C6: variants seen among roughly 807,000 people sequenced by gnomAD.
C6 encodes the protein complement C6.
Under a neutral mutation model 112.9 loss-of-function variants are expected in C6, and 101 were observed. The ratio of observed to expected loss-of-function variants is 0.89; its 90% CI spans 0.76 to 1.06. C6 has a LOEUF of 1.06. Ranked by LOEUF, C6 falls within the 50% of genes least tolerant of loss-of-function variation. The pLI is 0.00. For synonymous variants in C6, 431 were observed against 384.1 expected (o/e 1.12, Z -1.43); for missense variants, 1,202 against 1,104.6 (o/e 1.09, Z -1.25).
At chr5:41,211,038 C>A (rs1049955436) in intron 1 of C6, among the ~76,000 whole-genome samples, 2 of 152,102 alleles carry the variant, frequency 1.3e-5, no homozygotes, top group Non-Finnish European at 2.9e-5. Context: ...ACATATACAC[C>A]ATGGAATACT....
Position 41,142,671 on chromosome 5 carries a change from A to C in C6, c.*154T>G. The C allele has an allele frequency of 1.5e-6, 1 of 682,520 alleles. No homozygotes were observed. Among genetic ancestry groups the C allele is most frequent in the South Asian group, 1.6e-5 (1 of 61,746 alleles). The allele number at this position is 682,520 out of a possible 1,614,324, so 42.3% of individuals were successfully genotyped here. ...TAAGACATGCCCAAACAGGAGAGTCAGGGGAGAATAATGATCTCAAACTAA... is the reference window on the plus strand; with the variant it reads ...TAAGACATGCCCAAACAGGAGAGTCCGGGGAGAATAATGATCTCAAACTAA... On this transcript the variant is annotated 3_prime_UTR_variant, in exon 18 of 18. Coordinates refer to ENST00000337836, the MANE Select transcript of C6 (RefSeq NM_000065.5).
chr5:41,232,153 G>A (rs1739943880), intron 1 of C6, among the ~76,000 whole-genome samples: 1 of 151,996 alleles, frequency 6.6e-6, no homozygotes, highest in African/African-American at 2.4e-5. Flanking sequence ...TTTCTGCTTT[G>A]TTTCTTAACC....
At chr5:41,239,108 TTTC>T (rs1269537818) in intron 1 of C6, among the ~76,000 whole-genome samples, 80 of 118,188 alleles carry the variant, frequency 6.8e-4, no homozygotes, top group African/African-American at 2.2e-3. Context: ...TTTTCTTTTC[TTTC>T]TTTTTTTTTT....
intron 3 of C6, among the ~76,000 whole-genome samples, chr5:41,200,891 GTTTTTTTT>G (rs143443464): frequency 1.8e-4 from 13 of 70,654 alleles, no homozygotes; most frequent in East Asian, 5.0e-4. Flanking sequence ...TGTTGTTGTT[GTTTTTTTT>G]TTTTTTTTTT....
chr5:41,239,377 G>T (rs970898452), intron 1 of C6, among the ~76,000 whole-genome samples: 2 of 152,072 alleles, frequency 1.3e-5, no homozygotes, highest in Admixed American at 6.6e-5. Context: ...CTCCCAAAGT[G>T]CTGGGGTTAC....
chr5:41,143,562 T>G (rs1486143010), intron 17 of C6, among the ~76,000 whole-genome samples: 4 of 152,228 alleles, frequency 2.6e-5, no homozygotes, highest in Non-Finnish European at 5.9e-5. Flanking sequence ...ACATGCTTTA[T>G]TTTTTTGAAC....
chr5:41,172,969 T>C (rs1035379169), intron 8 of C6, among the ~76,000 whole-genome samples: 1 of 152,178 alleles, frequency 6.6e-6, no homozygotes, highest in African/African-American at 2.4e-5. Flanking sequence ...CTTTTTATTG[T>C]AATCTCAGAA....
At chr5:41,184,755 T>G (rs1308303975) in intron 6 of C6, among the ~76,000 whole-genome samples, 2 of 152,164 alleles carry the variant, frequency 1.3e-5, no homozygotes, top group Non-Finnish European at 2.9e-5. Flanking sequence ...ATTACAGATG[T>G]GAGCCACCAC....
At chr5:41,250,558 G>T (rs1160019025) in intron 1 of C6, among the ~76,000 whole-genome samples, 2 of 152,188 alleles carry the variant, frequency 1.3e-5, no homozygotes, top group African/African-American at 4.8e-5. Flanking sequence ...TCATATCTGA[G>T]CAGGATTTAA....
At chr5:41,154,854 A>T (rs1315694798) in intron 14 of C6, 118 bp downstream of exon 14, 2 of 1,032,166 alleles carry the variant, frequency 1.9e-6, no homozygotes, top group African/African-American at 1.6e-5. Context: ...AAAATCTTTC[A>T]CCAGAGTTAC....
rs4422567 is a variant in C6, at chr5:41,149,808, A to G, written c.2381+127T>C. ...AGGAGGAATTCAGCAGAGCACAGGAATATCAGTTATGTGGAAAATTCATTT... is the reference window on the plus strand; with the variant it reads ...AGGAGGAATTCAGCAGAGCACAGGAGTATCAGTTATGTGGAAAATTCATTT... On this transcript the variant is annotated intron_variant, in intron 16 of 17. Transcript: ENST00000337836. 0.011 allele frequency: 7,847 copies of G among 741,958 alleles called. 461 individuals carry two copies. The African/African-American group carries it at 0.12, about 11-fold the overall frequency. The allele number at this position is 741,958 out of a possible 1,614,324, so 46.0% of individuals were successfully genotyped here.
chr5:41,207,274 T>A (rs1751511612), intron 1 of C6, among the ~76,000 whole-genome samples: 1 of 152,182 alleles, frequency 6.6e-6, no homozygotes, highest in South Asian at 2.1e-4. Context: ...TGCAAAAACA[T>A]GCCAAATTGT....
chr5:41,252,122 T>C lies in C6; in HGVS notation c.-21+9072A>G, dbSNP rs1174555306. Reference sequence around the variant, plus strand: ...ACCATTTAAAGGTGGTTTGCAAATATTCTGTGATTCACTTTCAAACTTGGC... The same window carrying C: ...ACCATTTAAAGGTGGTTTGCAAATACTCTGTGATTCACTTTCAAACTTGGC... On this transcript the variant is annotated intron_variant, in intron 1 of 17. Transcript: ENST00000263413. Among the ~76,000 whole-genome samples the C allele has an allele frequency of 4.6e-5, 7 of 152,240 alleles. 1 individual carries two copies. The highest frequency in any genetic ancestry group is 4.6e-4 in the Admixed American group (7 of 15,288).
In C6 at chr5:41,176,695, G is replaced by A. The variant is rs2150312174; in HGVS notation, c.948C>T (p.Ile316=). 2 of 1,611,596 alleles carry A rather than the reference G, an allele frequency of 1.2e-6. No homozygotes were observed. Among genetic ancestry groups the A allele is most frequent in the Non-Finnish European group, 1.7e-6 (2 of 1,178,342 alleles). Residue 316 remains isoleucine, a synonymous_variant, in exon 8 of 18, where the codon ATC becomes ATT. Coordinates refer to ENST00000337836, the MANE Select transcript of C6 (RefSeq NM_000065.5). The part of the protein sequence containing the change: ...SHKKDSSFIR[I]HKVMKVLNFT... ...AGTTTAAGACTTTCATCACTTTATGGATCCTAATAAAACTAGAATCCTAAA... is the reference window on the plus strand; with the variant it reads ...AGTTTAAGACTTTCATCACTTTATGAATCCTAATAAAACTAGAATCCTAAA...
Position 41,204,658 on chromosome 5 carries a change from G to A in C6, c.-20-1408C>T, listed in dbSNP as rs1001397006. On this transcript the variant is annotated intron_variant, in intron 1 of 17. Transcript: ENST00000337836. ...GTATTTCTTGTTAATAAATCAGTAA[G>A]CTTTTTTTTTTCTTTTTTTTTTTTT... Among the ~76,000 whole-genome samples the A allele has an allele frequency of 4.0e-5, 4 of 99,570 alleles. No individual in the cohort carries two copies. In the Admixed American group the frequency reaches 4.2e-4, roughly 11 times the overall value. 65.3% of individuals were successfully genotyped at this position (99,570 alleles called of 152,430 possible). A position where few individuals can be genotyped will look rare whatever the true frequency, so the allele number is the denominator to read the frequency against.
intron 8 of C6, among the ~76,000 whole-genome samples, chr5:41,174,604 G>T (rs1422336542): frequency 6.6e-6 from 1 of 152,104 alleles, no homozygotes; most frequent in Non-Finnish European, 1.5e-5. Flanking sequence ...TTTATTCAAG[G>T]TTTTAACTTG....
chr5:41,205,365 T>G (rs1751350406), intron 1 of C6, among the ~76,000 whole-genome samples: 1 of 152,196 alleles, frequency 6.6e-6, no homozygotes, highest in African/African-American at 2.4e-5. Flanking sequence ...TTCATCTCAC[T>G]GGGGCTTGTC....
chr5:41,254,874 G>A (rs16871073), intron 1 of C6, among the ~76,000 whole-genome samples: 26,638 of 152,174 alleles, frequency 0.18, 2,812 homozygotes, highest in South Asian at 0.35. Flanking sequence ...CAGTGAAAGC[G>A]TTTTAGTCTC....
At chr5:41,164,162 A>T (rs1434269620) in intron 9 of C6, among the ~76,000 whole-genome samples, 1 of 151,482 alleles carries the variant, frequency 6.6e-6, no homozygotes, top group Non-Finnish European at 1.5e-5. Context: ...AAAGAAAGGA[A>T]ATTAAAAAGA....
Sources: gnomAD v4.1 joint callset for allele counts (sites outside exome capture counted in the v4.1 genomes callset) on GRCh38, gnomAD v4.1.1 for gene constraint, MANE v1.5 for transcripts, NCBI Gene and HGNC (gene_info 2026-07-23, HGNC 2026-07-21) for gene names.